The following OR2C3 variants were observed in gnomAD, a reference collection of about 807,000 sequenced individuals.
OR2C3 encodes the protein olfactory receptor 2C3.
For missense variants in OR2C3, 425 were observed against 401.5 expected (o/e 1.06, Z -0.50); for synonymous variants, 178 against 163.4 (o/e 1.09, Z -0.68).
rs972401987 is a variant in OR2C3, at chr1:247,525,309, A to G, written c.*6240T>C. 6.6e-6 allele frequency: 1 copy of G among 152,226 alleles called. No individual in the cohort carries two copies. The highest frequency in any genetic ancestry group is 1.5e-5 in the Non-Finnish European group (1 of 68,048). 9.4% of individuals were successfully genotyped at this position (152,226 alleles called of 1,614,324 possible). A position where few individuals can be genotyped will look rare whatever the true frequency, so the allele number is the denominator to read the frequency against. ...CAGTTTTGACACTATCTACCTGGAA[A>G]TAACGCCAGGTCTGCTGGGTGAGGG... On this transcript the variant is annotated 3_prime_UTR_variant, in exon 3 of 3. Transcript: ENST00000641802.
intron 1 of OR2C3, among the ~76,000 whole-genome samples, chr1:247,534,284 G>C (rs998942225): frequency 2.0e-5 from 3 of 152,116 alleles, no homozygotes; most frequent in Non-Finnish European, 4.4e-5. Flanking sequence ...CTAACCCAGT[G>C]TCTGATACAC....
intron 2 of OR2C3, 67 bp from the exon 3 acceptor site, chr1:247,532,607 A>T (rs1667031699): frequency 8.5e-7 from 1 of 1,171,112 alleles, no homozygotes; most frequent in East Asian, 2.4e-5. Flanking sequence ...AGCAAACATT[A>T]AAAGTGTATT....
rs1230073023 is a variant in OR2C3, at chr1:247,532,651, A to G, written c.-29-111T>C. ...TTTTATGTTATTCTTTTTTAGAGACACAATTTCACTGTGTTGCCCGGGCTA... is the reference window on the plus strand; with the variant it reads ...TTTTATGTTATTCTTTTTTAGAGACGCAATTTCACTGTGTTGCCCGGGCTA... On this transcript the variant is annotated intron_variant, in intron 2 of 2. Coordinates refer to ENST00000641802, the MANE Select transcript of OR2C3 (RefSeq NM_198074.6). The G allele has an allele frequency of 3.5e-6, 3 of 863,156 alleles. No individual in the cohort carries two copies. In the African/African-American group the frequency reaches 5.1e-5, roughly 15 times the overall value. 53.5% of individuals were successfully genotyped at this position (863,156 alleles called of 1,614,324 possible). A position where few individuals can be genotyped will look rare whatever the true frequency, so the allele number is the denominator to read the frequency against.
chr1:247,529,726 T>C lies in OR2C3; in HGVS notation c.*1823A>G, dbSNP rs1358959000. The C allele has an allele frequency of 2.9e-5, 1 of 34,970 alleles. No homozygotes were observed. Among genetic ancestry groups the C allele is most frequent in the Non-Finnish European group, 7.2e-5 (1 of 13,886 alleles). The allele number at this position is 34,970 out of a possible 1,614,324, so 2.2% of individuals were successfully genotyped here. A position where few individuals can be genotyped will look rare whatever the true frequency, so the allele number is the denominator to read the frequency against. ...GGTGTTACTGTGAAGGTGTTTTTTT[T>C]TTTTTTTTTTTTTTTTTTTGATGCG... is the stretch of plus-strand genomic sequence containing the variant. On this transcript the variant is annotated 3_prime_UTR_variant, in exon 3 of 3. Coordinates refer to ENST00000641802, the MANE Select transcript of OR2C3 (RefSeq NM_198074.6).
Position 247,531,847 on chromosome 1 carries a change from A to T in OR2C3, c.665T>A (p.Ile222Asn). 2 of 1,614,208 alleles carry T rather than the reference A, an allele frequency of 1.2e-6. No homozygotes were observed. Among genetic ancestry groups the T allele is most frequent in the Non-Finnish European group, 1.7e-6 (2 of 1,180,028 alleles). ...CCTGATCTTCAACACGGCCCGGGCA[A>T]TGTGGCCGTAAGAGACCAGGATGAG... ...LGLILVSYGH[I>N]ARAVLKIRSA... Residue 222 changes from isoleucine to asparagine, a missense_variant, in exon 3 of 3, where the codon ATT becomes AAT. Ile to Asn is a moderately radical substitution (Grantham distance 149). Transcript: ENST00000641802.
rs1475761958 is a variant in OR2C3 at position 247,531,759 on chromosome 1, C to T, written c.753G>A (p.Leu251=). ...ACATGAAGATGATGCTCCCGTAAAACAGAGACACCACAGCCACGTGGGAAG... is the reference window on the plus strand; with the variant it reads ...ACATGAAGATGATGCTCCCGTAAAATAGAGACACCACAGCCACGTGGGAAG... ...TCSSHVAVVS[L]FYGSIIFMYL... is the part of the protein sequence containing the mutation. Residue 251 remains leucine (L), a synonymous_variant, in exon 3 of 3, where the codon CTG becomes CTA. Coordinates refer to ENST00000641802, the MANE Select transcript of OR2C3 (RefSeq NM_198074.6). The T allele has an allele frequency of 1.2e-6, 2 of 1,614,180 alleles. No individual in the cohort carries two copies. The highest frequency in any genetic ancestry group is 1.7e-6 in the Non-Finnish European group (2 of 1,180,038).
rs923238056 is a variant in OR2C3, at chr1:247,525,869, A to G, written c.*5680T>C. ...CGTAGGGACTACTAGCCATTTGTCAACTCATTAACATACAAGTACCACTTT... is the reference window on the plus strand; with the variant it reads ...CGTAGGGACTACTAGCCATTTGTCAGCTCATTAACATACAAGTACCACTTT... On this transcript the variant is annotated 3_prime_UTR_variant, in exon 3 of 3. Transcript: ENST00000641802. The G allele has an allele frequency of 6.6e-6, 1 of 152,154 alleles. No individual in the cohort carries two copies. The highest frequency in any genetic ancestry group is 2.4e-5 in the African/African-American group (1 of 41,404). 9.4% of individuals were successfully genotyped at this position (152,154 alleles called of 1,614,324 possible).
intron 2 of OR2C3, among the ~76,000 whole-genome samples, chr1:247,533,207 C>T (rs1667079353): frequency 6.6e-6 from 1 of 152,178 alleles, no homozygotes; most frequent in Non-Finnish European, 1.5e-5. Flanking sequence ...TAACTCATCT[C>T]TCTGCTTCTC....
chr1:247,533,913 A>G (rs1329928260), intron 1 of OR2C3, 35 bp from the exon 2 acceptor site: 1 of 152,238 alleles, frequency 6.6e-6, no homozygotes, highest in East Asian at 1.9e-4. Flanking sequence ...ATTAAGACAT[A>G]TGATCACATC....
At chr1:247,534,336 C>T (rs1368285944) in intron 1 of OR2C3, among the ~76,000 whole-genome samples, 1 of 152,112 alleles carries the variant, frequency 6.6e-6, no homozygotes, top group African/African-American at 2.4e-5. Flanking sequence ...CATCATGAAA[C>T]AGGTTGCTAG....
Position 247,524,838 on chromosome 1 carries a change from G to A in OR2C3, c.*6711C>T, listed in dbSNP as rs1055037789. On this transcript the variant is annotated 3_prime_UTR_variant, in exon 3 of 3. Transcript: ENST00000641802. Reference sequence around the variant, plus strand: ...GATGTGTAGAATCATGTCAACTACCGCTACAAATCAGTAAGCAAAAAGGTA... The same window carrying A: ...GATGTGTAGAATCATGTCAACTACCACTACAAATCAGTAAGCAAAAAGGTA... 5 of 151,948 alleles carry A rather than the reference G, an allele frequency of 3.3e-5. No homozygotes were observed. The highest frequency in any genetic ancestry group is 7.3e-5 in the African/African-American group (3 of 41,348). 9.4% of individuals were successfully genotyped at this position (151,948 alleles called of 1,614,324 possible). A position where few individuals can be genotyped will look rare whatever the true frequency, so the allele number is the denominator to read the frequency against.
At position 247,532,042 on chromosome 1, in the gene OR2C3, C is replaced by CTGG; in HGVS notation, c.467_469dup (p.Thr156dup). On this transcript the variant is annotated inframe_insertion, in exon 3 of 3. Coordinates refer to ENST00000641802, the MANE Select transcript of OR2C3 (RefSeq NM_198074.6). ...CATGGTGAGCGTGGAGCCCACCATGCTGGTGGTCAGACCCCCCAGCCAGGA... is the reference window on the plus strand; with the variant it reads ...CATGGTGAGCGTGGAGCCCACCATGCTGGTGGTGGTCAGACCCCCCAGCCAGGA... The CTGG allele has an allele frequency of 6.2e-7, 1 of 1,614,042 alleles. No individual in the cohort carries two copies. Among genetic ancestry groups the CTGG allele is most frequent in the East Asian group, 2.2e-5 (1 of 44,870 alleles).
At position 247,536,323 on chromosome 1, in the gene OR2C3, A is replaced by G. The variant is rs1280043932; in HGVS notation, c.-557T>C. On this transcript the variant is annotated 5_prime_UTR_variant, in exon 1 of 3. Coordinates refer to ENST00000641802, the MANE Select transcript of OR2C3 (RefSeq NM_198074.6). ...GCCAGGGGATTTTAAAGCCCTGCAA[A>G]TAGTGGAAATCTCTAAGTCGGTGGT... is the stretch of plus-strand genomic sequence containing the variant. The G allele has an allele frequency of 6.6e-6, 1 of 152,246 alleles. No homozygotes were observed. Among genetic ancestry groups the G allele is most frequent in the Non-Finnish European group, 1.5e-5 (1 of 68,048 alleles). The allele number at this position is 152,246 out of a possible 1,614,324, so 9.4% of individuals were successfully genotyped here. A position where few individuals can be genotyped will look rare whatever the true frequency, so the allele number is the denominator to read the frequency against.
chr1:247,528,295 G>A lies in OR2C3; in HGVS notation c.*3254C>T, dbSNP rs2103328571. The A allele has an allele frequency of 6.6e-6, 1 of 151,144 alleles. No individual in the cohort carries two copies. The highest frequency in any genetic ancestry group is 2.1e-4 in the South Asian group (1 of 4,768). The allele number at this position is 151,144 out of a possible 1,614,324, so 9.4% of individuals were successfully genotyped here. A position where few individuals can be genotyped will look rare whatever the true frequency, so the allele number is the denominator to read the frequency against. ...TGTACACACTTATGGGGTGCAGTATGATGTTTTGATACATGTATACTTGTG... is the reference window on the plus strand; with the variant it reads ...TGTACACACTTATGGGGTGCAGTATAATGTTTTGATACATGTATACTTGTG... On this transcript the variant is annotated 3_prime_UTR_variant, in exon 3 of 3. Coordinates refer to ENST00000641802, the MANE Select transcript of OR2C3 (RefSeq NM_198074.6).
rs1385851728 is a variant in OR2C3 at position 247,526,201 on chromosome 1, C to T, written c.*5348G>A. ...GCCAAGAAATCTTGAGCCTGCTATT[C>T]CCTGGGTTAGTTTCTGAATTCTTGC... On this transcript the variant is annotated 3_prime_UTR_variant, in exon 3 of 3. Coordinates refer to ENST00000641802, the MANE Select transcript of OR2C3 (RefSeq NM_198074.6). The surrounding 1 kb of genome is among the most constrained non-coding windows in gnomAD (Gnocchi z 4.8). 6.6e-6 allele frequency: 1 copy of T among 152,156 alleles called. No individual in the cohort carries two copies. The highest frequency in any genetic ancestry group is 1.5e-5 in the Non-Finnish European group (1 of 68,036). The allele number at this position is 152,156 out of a possible 1,614,324, so 9.4% of individuals were successfully genotyped here. A position where few individuals can be genotyped will look rare whatever the true frequency, so the allele number is the denominator to read the frequency against.
In OR2C3 at chr1:247,532,318, G is replaced by A; in HGVS notation, c.194C>T (p.Ala65Val). The change falls in exon 3 of 3, where the codon GCC (alanine) becomes GTC (valine). Residue 65 changes from alanine (A) to valine (V), a missense_variant. By Grantham distance (64) the Ala-to-Val change is moderately conservative. Transcript: ENST00000641802. The part of the protein sequence containing the change: ...HLHTPMYFFL[A>V]NLPFLDMSFT... ...GCTCATGTCCAGGAAGGGGAGGTTG[G>A]CAAGAAAGAAGTACATAGGTGTGTG... is the stretch of plus-strand genomic sequence containing the variant. 6.2e-7 allele frequency: 1 copy of A among 1,614,148 alleles called. No individual in the cohort carries two copies. Among genetic ancestry groups the A allele is most frequent in the Non-Finnish European group, 8.5e-7 (1 of 1,179,992 alleles).
At position 247,532,506 on chromosome 1, in the gene OR2C3, C is replaced by T. The variant is rs764964001; in HGVS notation, c.6G>A (p.Met2Ile). The T allele has an allele frequency of 7.4e-6, 12 of 1,612,740 alleles. No individual in the cohort carries two copies. The highest frequency in any genetic ancestry group is 1.6e-4 in the Middle Eastern group (1 of 6,074). The part of the protein sequence containing the change: M[M>I]EIANVSSPEV... Reference sequence around the variant, plus strand: ...CTGGAGAACTCACATTGGCTATTTCCATCATTGTATGCTGGGGGTGGGGCA... The same window carrying T: ...CTGGAGAACTCACATTGGCTATTTCTATCATTGTATGCTGGGGGTGGGGCA... The change falls in exon 3 of 3, where the codon ATG becomes ATA. Residue 2 changes from methionine (M) to isoleucine (I), a missense_variant. Transcript: ENST00000641802.
chr1:247,531,981 G>C lies in OR2C3; in HGVS notation c.531C>G (p.His177Gln), dbSNP rs58515573. 3,312 of 1,614,138 alleles carry C rather than the reference G, an allele frequency of 2.1e-3. 48 individuals carry two copies. In the African/African-American group the frequency reaches 0.04, roughly 19 times the overall value. The change falls in exon 3 of 3, where the codon CAC (histidine) becomes CAG (glutamine). Residue 177 changes from histidine to glutamine, a missense_variant. Physicochemically the swap from His to Gln is conservative, Grantham distance 24. Transcript: ENST00000641802. ...LPLCGNNCID[H>Q]FFCEMPLIMQ... Reference sequence around the variant, plus strand: ...TAATGAGGGGCATCTCGCAAAAGAAGTGGTCGATGCAATTGTTCCCACACA... The same window carrying C: ...TAATGAGGGGCATCTCGCAAAAGAACTGGTCGATGCAATTGTTCCCACACA...
Position 247,526,650 on chromosome 1 carries a change from T to TG in OR2C3, c.*4898dup, listed in dbSNP as rs1451224264. Reference sequence around the variant, plus strand: ...TGCATGACCCTCACAGTGTGCAGCATGGGAGGAAACCCATACATGAAGTAG... The same window carrying TG: ...TGCATGACCCTCACAGTGTGCAGCATGGGGAGGAAACCCATACATGAAGTAG... On this transcript the variant is annotated 3_prime_UTR_variant, in exon 3 of 3. Transcript: ENST00000641802. The surrounding 1 kb of genome is among the most constrained non-coding windows in gnomAD (Gnocchi z 4.8). The TG allele has an allele frequency of 3.2e-6, 1 of 315,160 alleles. No individual in the cohort carries two copies. The highest frequency in any genetic ancestry group is 6.1e-6 in the Non-Finnish European group (1 of 162,624). 19.5% of individuals were successfully genotyped at this position (315,160 alleles called of 1,614,324 possible). A position where few individuals can be genotyped will look rare whatever the true frequency, so the allele number is the denominator to read the frequency against.
Sources: gnomAD v4.1 joint callset for allele counts (sites outside exome capture counted in the v4.1 genomes callset) on GRCh38, gnomAD v4.1.1 for gene constraint, Gnocchi (gnomAD v3.1) non-coding constraint, MANE v1.5 for transcripts, NCBI Gene and HGNC (gene_info 2026-07-23, HGNC 2026-07-21) for gene names.